The following RAMP1 variants were observed in gnomAD, a reference collection of about 807,000 sequenced individuals.
RAMP1 encodes receptor activity-modifying protein 1.
Under a neutral mutation model 8.2 loss-of-function variants are expected in RAMP1, and 7 were observed. That is an observed-to-expected ratio of 0.85 (90% CI 0.49 to 1.60). The LOEUF (loss-of-function observed/expected upper bound fraction) is 1.60, where lower values mean the gene tolerates loss of function less well. Among genes scored for constraint, RAMP1 ranks in the 40% most tolerant of loss-of-function variants. RAMP1 has a pLI of 0.00. For synonymous variants in RAMP1, 92 were observed against 84.7 expected (o/e 1.09, Z -0.47); for missense variants, 192 against 202.4 (o/e 0.95, Z 0.31).
intron 2 of RAMP1, among the ~76,000 whole-genome samples, chr2:237,910,865 A>C (rs2062705224): frequency 6.6e-6 from 1 of 152,082 alleles, no homozygotes; most frequent in Admixed American, 6.5e-5. Flanking sequence ...ACAGCCACAC[A>C]CAGAGAATAA....
At chr2:237,875,724 A>T (rs3820795) in intron 1 of RAMP1, among the ~76,000 whole-genome samples, 29,961 of 152,044 alleles carry the variant, frequency 0.2, 3,304 homozygotes, top group African/African-American at 0.3. Flanking sequence ...GTCAGCACTC[A>T]GCTCTCTCTA....
At chr2:237,891,537 A>G (rs2062488721) in intron 2 of RAMP1, among the ~76,000 whole-genome samples, 1 of 152,202 alleles carries the variant, frequency 6.6e-6, no homozygotes, top group Non-Finnish European at 1.5e-5. Flanking sequence ...TTTAAAATAT[A>G]CTATTTCTAT....
At chr2:237,897,728 T>C (rs4663269) in intron 2 of RAMP1, among the ~76,000 whole-genome samples, 77,040 of 150,154 alleles carry the variant, frequency 0.51, 19,809 homozygotes, top group Admixed American at 0.57. Flanking sequence ...CAGAAACACA[T>C]GCTCTCGTGG....
At chr2:237,905,154 C>T (rs374804285) in intron 2 of RAMP1, among the ~76,000 whole-genome samples, 21 of 152,266 alleles carry the variant, frequency 1.4e-4, no homozygotes, top group South Asian at 1.0e-3. Flanking sequence ...CTCAGTGACA[C>T]GAGAACTGAA....
intron 2 of RAMP1, among the ~76,000 whole-genome samples, chr2:237,902,660 C>T (rs914538448): frequency 1.4e-4 from 22 of 152,212 alleles, no homozygotes; most frequent in South Asian, 2.1e-4. Context: ...CTGCCCTGCA[C>T]GCCTCCCCCA....
intron 2 of RAMP1, among the ~76,000 whole-genome samples, chr2:237,882,070 A>G (rs1431445841): frequency 1.3e-5 from 2 of 152,074 alleles, no homozygotes; most frequent in Non-Finnish European, 2.9e-5. Context: ...ATTCTTGTGT[A>G]TGGTGTGAAC....
intron 2 of RAMP1, among the ~76,000 whole-genome samples, chr2:237,883,265 T>G (rs955768119): frequency 6.6e-6 from 1 of 152,146 alleles, no homozygotes; most frequent in African/African-American, 2.4e-5. Context: ...TTCCAGACTC[T>G]TCTGAAATCA....
intron 2 of RAMP1, among the ~76,000 whole-genome samples, chr2:237,909,599 T>C (rs948159282): frequency 6.6e-6 from 1 of 151,934 alleles, no homozygotes; most frequent in African/African-American, 2.4e-5. Context: ...GGAGCCGGCG[T>C]GGTCTGGGCT....
chr2:237,890,358 C>T (rs1018420229), intron 2 of RAMP1, among the ~76,000 whole-genome samples: 1 of 152,056 alleles, frequency 6.6e-6, no homozygotes, highest in Admixed American at 6.6e-5. Flanking sequence ...CTCACCACCA[C>T]GCCTGGCTAA....
intron 2 of RAMP1, among the ~76,000 whole-genome samples, chr2:237,881,952 C>A (rs907586106): frequency 6.6e-6 from 1 of 151,950 alleles, no homozygotes; most frequent in Admixed American, 6.6e-5. Context: ...TAGTGGAAAG[C>A]CCCTCCCCAC....
chr2:237,881,772 G>T (rs1242420450), intron 2 of RAMP1, among the ~76,000 whole-genome samples: 3 of 151,868 alleles, frequency 2.0e-5, no homozygotes, highest in Non-Finnish European at 2.9e-5. Context: ...AGAGTTCTTT[G>T]TATGTTAGAT....
chr2:237,861,571 G>T (rs2062132967), intron 1 of RAMP1, among the ~76,000 whole-genome samples: 1 of 152,182 alleles, frequency 6.6e-6, no homozygotes, highest in Admixed American at 6.5e-5. Context: ...AATCCGGCCA[G>T]GCATGGTGAC....
In RAMP1 at chr2:237,859,652, C is replaced by T. The variant is rs1386588800; in HGVS notation, c.-24C>T. 3 of 1,450,788 alleles carry T rather than the reference C, an allele frequency of 2.1e-6. No homozygotes were observed. Among genetic ancestry groups the T allele is most frequent in the Non-Finnish European group, 2.7e-6 (3 of 1,100,140 alleles). 89.9% of individuals were successfully genotyped at this position (1,450,788 alleles called of 1,614,324 possible). ...CTCAGCGGGGCGCGTGGCGAGCGGACTCGACTCGGCACCGCTGTGCACCAT... is the reference window on the plus strand; with the variant it reads ...CTCAGCGGGGCGCGTGGCGAGCGGATTCGACTCGGCACCGCTGTGCACCAT... On this transcript the variant is annotated 5_prime_UTR_variant, in exon 1 of 3. Coordinates refer to ENST00000254661, the MANE Select transcript of RAMP1 (RefSeq NM_005855.4).
intron 2 of RAMP1, among the ~76,000 whole-genome samples, chr2:237,889,016 A>G (rs1253556501): frequency 6.6e-6 from 1 of 152,144 alleles, no homozygotes; most frequent in Non-Finnish European, 1.5e-5. Context: ...CAAGTGATCC[A>G]TCCGCCTCGG....
At chr2:237,860,452 T>C (rs1343906596) in intron 1 of RAMP1, among the ~76,000 whole-genome samples, 2 of 152,184 alleles carry the variant, frequency 1.3e-5, no homozygotes, top group African/African-American at 4.8e-5. Context: ...AAGTGGAGAT[T>C]AGCGGCAGCC....
At chr2:237,896,032 C>T (rs911272271) in intron 2 of RAMP1, among the ~76,000 whole-genome samples, 5 of 152,200 alleles carry the variant, frequency 3.3e-5, no homozygotes, top group Admixed American at 1.3e-4. Flanking sequence ...GAGCCCTCAG[C>T]ACCCGGCCCA....
At chr2:237,898,825 C>CGTGATCT in intron 2 of RAMP1, among the ~76,000 whole-genome samples, 2 of 152,216 alleles carry the variant, frequency 1.3e-5, no homozygotes, top group African/African-American at 4.8e-5. Context: ...GCACGCCAGG[C>CGTGATCT]CAGGCCACAG....
chr2:237,863,235 C>T (rs1445911064), intron 1 of RAMP1, among the ~76,000 whole-genome samples: 3 of 152,132 alleles, frequency 2.0e-5, no homozygotes, highest in African/African-American at 7.2e-5. Flanking sequence ...CTGGTGGCTC[C>T]AGCACTTGCT....
At chr2:237,863,791 C>T (rs1174991954) in intron 1 of RAMP1, among the ~76,000 whole-genome samples, 3 of 151,928 alleles carry the variant, frequency 2.0e-5, no homozygotes, top group Admixed American at 6.5e-5. Flanking sequence ...GACTCCTCCC[C>T]GTGCTCCGAG....
Sources: gnomAD v4.1 joint callset for allele counts (sites outside exome capture counted in the v4.1 genomes callset) on GRCh38, gnomAD v4.1.1 for gene constraint, MANE v1.5 for transcripts, NCBI Gene and HGNC (gene_info 2026-07-23, HGNC 2026-07-21) for gene names.